Variants in MUTYH observed in about 807,000 individuals in gnomAD.
The protein encoded by MUTYH is mutY DNA glycosylase, also known as adenine DNA glycosylase.
Under a neutral mutation model 72.9 loss-of-function variants are expected in MUTYH, and 64 were observed. That is an observed-to-expected ratio of 0.88 (90% CI 0.72 to 1.08). The LOEUF is 1.08. MUTYH is among the 50% of genes least tolerant of loss of function. The pLI is 0.00. For missense variants in MUTYH, 633 were observed against 671.0 expected, an observed-to-expected ratio of 0.94 and a Z score of 0.63; for synonymous variants, 234 against 263.1, an observed-to-expected ratio of 0.89 and a Z score of 1.07.
At chr1:45,330,700 A>AAAAT in intron 14 of MUTYH, 143 bp from the exon 15 acceptor site, 1 of 1,056,492 alleles carries the variant, frequency 9.5e-7, no homozygotes, top group Non-Finnish European at 1.4e-6. Context: ...CTATAATCCC[A>AAAAT]GCATTTTGGG....
rs1338038953 is a variant in MUTYH, at chr1:45,332,310, C to A, written c.705G>T (p.Trp235Cys). Residue 235 changes from tryptophan to cysteine, a missense_variant and splice_region_variant, in exon 10 of 16, where the codon TGG becomes TGT. By Grantham distance (215) the Trp-to-Cys change is radical. Coordinates refer to ENST00000456914, the MANE Select transcript of MUTYH (RefSeq NM_001048174.2). ...GGTCCACCAGCTGCTGGGCTAGACC[C>A]CTAAAAGAAGGGAACACTGCTGTGA... ...PSSTLVSQQL[W>C]GLAQQLVDPA... The A allele has an allele frequency of 6.2e-7, 1 of 1,614,106 alleles. No homozygotes were observed. The highest frequency in any genetic ancestry group is 8.5e-7 in the Non-Finnish European group (1 of 1,180,006).
At chr1:45,338,049 C>T (rs1646183199) in intron 1 of MUTYH, 1 of 466,094 alleles carries the variant, frequency 2.1e-6, no homozygotes, top group African/African-American at 2.0e-5. Context: ...GTGCAAAGGC[C>T]CCAAGGAGGG....
At position 45,332,223 on chromosome 1, in the gene MUTYH, T is replaced by C; in HGVS notation, c.792A>G (p.Pro264=). 1.2e-6 allele frequency: 2 copies of C among 1,614,172 alleles called. No homozygotes were observed. Among genetic ancestry groups the C allele is most frequent in the Non-Finnish European group, 1.7e-6 (2 of 1,180,004 alleles). The stretch of plus-strand genomic sequence containing the variant: ...GGCACTGGCTGCACAGTGGGCGCTG[T>C]GGGGTACACACTGTGGCCCCTAGCT... ...AMELGATVCT[P]QRPLCSQCPV... The change falls in exon 10 of 16, where the codon CCA becomes CCG. Residue 264 remains proline (P), a synonymous_variant. Transcript: ENST00000456914.
chr1:45,340,414 C>T (rs1646853700), upstream of MUTYH: 1 of 1,534,140 alleles, frequency 6.5e-7, no homozygotes. Flanking sequence ...CTGCTCCTTC[C>T]GCCTGAACTA....
At chr1:45,338,123 G>A (rs1646197098) in intron 1 of MUTYH, 1 of 503,392 alleles carries the variant, frequency 2.0e-6, no homozygotes, top group Middle Eastern at 3.0e-4. Context: ...AGATGGGACT[G>A]AGTGGTAGAA....
intron 1 of MUTYH, among the ~76,000 whole-genome samples, chr1:45,337,924 T>C (rs1372238998): frequency 6.6e-6 from 1 of 152,094 alleles, no homozygotes; most frequent in Non-Finnish European, 1.5e-5. Context: ...GTGATAAATA[T>C]TAGCATAAAA....
In MUTYH at chr1:45,333,493, C is replaced by A. The variant is rs375526246; in HGVS notation, c.184G>T (p.Val62Leu). ...SVSSYHLFRD[V>L]AEVTAFRGSL... is the part of the protein sequence containing the mutation. ...CCTCGGAAGGCTGTGACTTCAGCTA[C>A]GTCTCTGAATAGATGGTATGAGGAG... Residue 62 changes from valine to leucine, a missense_variant, in exon 3 of 16, where the codon GTA becomes TTA. Coordinates refer to ENST00000456914, the MANE Select transcript of MUTYH (RefSeq NM_001048174.2). 1.9e-6 allele frequency: 3 copies of A among 1,614,228 alleles called. No homozygotes were observed. In the South Asian group the frequency reaches 3.3e-5, roughly 18 times the overall value.
rs1461687764 is a variant in MUTYH at position 45,336,025 on chromosome 1, T to TAACC, written c.-6-1518_-6-1515dup. On this transcript the variant is annotated intron_variant, in intron 1 of 15. Coordinates refer to ENST00000456914, the MANE Select transcript of MUTYH (RefSeq NM_001048174.2). Reference sequence around the variant, plus strand: ...TTCCCCTCCCAATAAGACTAACATGTAACCACACCTGAACAAACCCTTTCA... The same window carrying TAACC: ...TTCCCCTCCCAATAAGACTAACATGTAACCAACCACACCTGAACAAACCCTTTCA... Among the ~76,000 whole-genome samples the TAACC allele has an allele frequency of 2.0e-5, 3 of 152,172 alleles. 1 individual carries two copies. Among genetic ancestry groups the TAACC allele is most frequent in the African/African-American group, 7.2e-5 (3 of 41,442 alleles).
In MUTYH at chr1:45,334,518, CA is replaced by C. The variant is rs1557493461; in HGVS notation, c.-6-8del. ...GTGGCTTCCTCATGATGGCCTGAAA[CA>C]AAAAGACCCAGCCAAAGCAGTCAGT... On this transcript the variant is annotated splice_region_variant and splice_polypyrimidine_tract_variant and intron_variant, in intron 1 of 15. Coordinates refer to ENST00000456914, the MANE Select transcript of MUTYH (RefSeq NM_001048174.2). 6.2e-7 allele frequency: 1 copy of C among 1,613,992 alleles called. No individual in the cohort carries two copies. The highest frequency in any genetic ancestry group is 8.5e-7 in the Non-Finnish European group (1 of 1,179,912).
rs77542170 is a variant in MUTYH at position 45,332,088 on chromosome 1, T to C, written c.850-2A>G. 906 of 1,614,184 alleles carry C rather than the reference T, an allele frequency of 5.6e-4. 14 individuals carry two copies. The East Asian group carries it at 0.019, about 33-fold the overall frequency. ...GGCTAAGAGCTGTTCCTGCTCCACC[T>C]GAGAGGCACAGGGTTGAGTGTCATA... On this transcript the variant is annotated splice_acceptor_variant, in intron 10 of 15. Transcript: ENST00000456914. LOFTEE classifies it high-confidence loss of function.
rs764439480 is a variant in MUTYH, at chr1:45,339,891, C to G, written c.-7+8G>C. 1.4e-6 allele frequency: 2 copies of G among 1,401,032 alleles called. No individual in the cohort carries two copies. Among genetic ancestry groups the G allele is most frequent in the African/African-American group, 2.9e-5 (2 of 69,264 alleles). 86.8% of individuals were successfully genotyped at this position (1,401,032 alleles called of 1,614,324 possible). A position where few individuals can be genotyped will look rare whatever the true frequency, so the allele number is the denominator to read the frequency against. Reference sequence around the variant, plus strand: ...AAGCCCAAACCCAGCCACCCCACTACCCGCTACCCGCGGCCCACGCTGATG... The same window carrying G: ...AAGCCCAAACCCAGCCACCCCACTAGCCGCTACCCGCGGCCCACGCTGATG... On this transcript the variant is annotated splice_region_variant and intron_variant, in intron 1 of 15. Transcript: ENST00000456914.
intron 2 of MUTYH, among the ~76,000 whole-genome samples, chr1:45,333,854 A>C (rs915507105): frequency 6.6e-6 from 1 of 152,198 alleles, no homozygotes; most frequent in African/African-American, 2.4e-5. Flanking sequence ...CTATTCACAA[A>C]ACACTTTCAG....
At chr1:45,335,701 C>A (rs1645780090) in intron 1 of MUTYH, among the ~76,000 whole-genome samples, 1 of 151,794 alleles carries the variant, frequency 6.6e-6, no homozygotes, top group Non-Finnish European at 1.5e-5. Context: ...TACTAAAAAT[C>A]CAAAAAAATT....
chr1:45,329,248 C>T lies in MUTYH; in HGVS notation c.*58G>A. ...AAAAAAATACAACATAAAATAACTA[C>T]AAAAATAAGCACTTTACTAACAACA... is the stretch of plus-strand genomic sequence containing the variant. On this transcript the variant is annotated 3_prime_UTR_variant, in exon 16 of 16. Coordinates refer to ENST00000456914, the MANE Select transcript of MUTYH (RefSeq NM_001048174.2). The T allele has an allele frequency of 1.6e-5, 26 of 1,610,760 alleles. No homozygotes were observed. The highest frequency in any genetic ancestry group is 2.2e-5 in the Non-Finnish European group (26 of 1,177,234).
intron 1 of MUTYH, chr1:45,338,270 TC>T (rs1646243270): frequency 1.9e-6 from 1 of 533,510 alleles, no homozygotes; most frequent in Non-Finnish European, 3.6e-6. Context: ...GGTCCAGTGA[TC>T]CGGGCACCAT....
chr1:45,332,690 G>C lies in MUTYH; in HGVS notation c.493-3C>G. ...TGGCCCCCTAGCTCCTCTACCACCT[G>C]ATTGGAGTGCAAGACTCAAGATTAT... is the stretch of plus-strand genomic sequence containing the variant. On this transcript the variant is annotated splice_polypyrimidine_tract_variant and splice_region_variant and intron_variant, in intron 7 of 15. Coordinates refer to ENST00000456914, the MANE Select transcript of MUTYH (RefSeq NM_001048174.2). 3.7e-6 allele frequency: 6 copies of C among 1,614,126 alleles called. No homozygotes were observed. The highest frequency in any genetic ancestry group is 1.6e-4 in the Middle Eastern group (1 of 6,062).
chr1:45,338,068 A>G (rs912145814), intron 1 of MUTYH: 11 of 480,558 alleles, frequency 2.3e-5, no homozygotes, highest in African/African-American at 2.1e-4. Flanking sequence ...GGTGCCTGGT[A>G]TGTCTGTGGT....
In MUTYH at chr1:45,332,444, A is replaced by G. The variant is rs1419954758; in HGVS notation, c.651T>C (p.Arg217=). Residue 217 remains arginine, a synonymous_variant, in exon 9 of 16, where the codon CGT becomes CGC. Transcript: ENST00000456914. ...TGGGATCAGCACCAATGGCTCGGAC[A>G]CGGCACAGCACCCGTGCTACGTTGC... is the stretch of plus-strand genomic sequence containing the variant. ...VDGNVARVLC[R]VRAIGADPSS... 1 of 1,614,134 alleles carries G rather than the reference A, an allele frequency of 6.2e-7. No individual in the cohort carries two copies. Among genetic ancestry groups the G allele is most frequent in the African/African-American group, 1.3e-5 (1 of 75,058 alleles).
In MUTYH at chr1:45,332,818, C is replaced by T. The variant is rs1306473047; in HGVS notation, c.437G>A (p.Trp146Ter). The T allele has an allele frequency of 6.2e-7, 1 of 1,614,090 alleles. No individual in the cohort carries two copies. Among genetic ancestry groups the T allele is most frequent in the Non-Finnish European group, 8.5e-7 (1 of 1,180,038 alleles). ...SASLEEVNQL[W>*]AGLGYYSRGR... ...ACGAGAATAGTAGCCCAGGCCAGCC[C>T]AGAGTTGATTCACCTCCTGTGGGTA... The change falls in exon 7 of 16, where the codon TGG (tryptophan) becomes TAG (stop). Residue 146 changes from tryptophan (W) to a stop codon, truncating the protein, a stop_gained. Coordinates refer to ENST00000456914, the MANE Select transcript of MUTYH (RefSeq NM_001048174.2). LOFTEE classifies it high-confidence loss of function.
Sources: allele counts gnomAD v4.1 joint callset (sites outside exome capture counted in the v4.1 genomes callset), GRCh38; gene constraint gnomAD v4.1.1; transcripts MANE v1.5; gene names NCBI Gene and HGNC (gene_info 2026-07-23, HGNC 2026-07-21).